Variants in CHD9 observed in about 807,000 individuals in gnomAD.
CHD9 encodes the protein chromodomain helicase DNA binding protein 9.
In CHD9, 77 loss-of-function variants were observed where a neutral mutation model predicts 316.1. The ratio of observed to expected loss-of-function variants is 0.24; its 90% CI spans 0.20 to 0.29. The LOEUF is 0.29. CHD9 is among the 10% of genes least tolerant of loss of function. The pLI, the probability that CHD9 is intolerant of heterozygous loss-of-function variation, is 1.00. For missense variants in CHD9, 2,763 were observed against 3,438.1 expected, an observed-to-expected ratio of 0.80 and a Z score of 4.91; for synonymous variants, 1,129 against 1,158.3, an observed-to-expected ratio of 0.97 and a Z score of 0.51.
At chr16:53,241,463 C>A (rs546288329) in intron 12 of CHD9, among the ~76,000 whole-genome samples, 20 of 152,318 alleles carry the variant, frequency 1.3e-4, no homozygotes, top group Non-Finnish European at 2.2e-4. Context: ...CCTGTATCAC[C>A]AAGTGTAAAC....
intron 2 of CHD9, among the ~76,000 whole-genome samples, chr16:53,171,564 A>AAAGGACCAG (rs1043665104): frequency 2.0e-5 from 3 of 152,048 alleles, no homozygotes; most frequent in African/African-American, 7.2e-5. Context: ...AGAAAGCCCA[A>AAAGGACCAG]AAGGACCAGA....
At chr16:53,215,450 T>C (rs1246530576) in intron 3 of CHD9, among the ~76,000 whole-genome samples, 1 of 152,214 alleles carries the variant, frequency 6.6e-6, no homozygotes, top group Non-Finnish European at 1.5e-5. Flanking sequence ...TCCCTTTTAA[T>C]ACATGCTTGT....
chr16:53,274,165 A>G (rs774538463), intron 23 of CHD9, 48 bp from the exon 24 acceptor site: 9 of 1,186,176 alleles, frequency 7.6e-6, no homozygotes, highest in Non-Finnish European at 1.1e-5. Flanking sequence ...CGAATATTTT[A>G]AACGATGAAT....
At chr16:53,306,456 C>G (rs1597938331) in intron 32 of CHD9, 59 bp downstream of exon 32, 2 of 1,336,358 alleles carry the variant, frequency 1.5e-6, no homozygotes, top group Non-Finnish European at 1.0e-6. Context: ...TATATTGCTT[C>G]AATGGTAGAT....
At chr16:53,193,214 C>T (rs567582406) in intron 2 of CHD9, among the ~76,000 whole-genome samples, 18 of 152,068 alleles carry the variant, frequency 1.2e-4, no homozygotes, top group South Asian at 2.1e-4. Flanking sequence ...TTTGGGAGGC[C>T]GAGGCAGGTG....
chr16:53,059,814 T>A (rs1308793808), intron 1 of CHD9, among the ~76,000 whole-genome samples: 1 of 152,162 alleles, frequency 6.6e-6, no homozygotes, highest in Non-Finnish European at 1.5e-5. Context: ...CCTCGTTAGG[T>A]TCTTAGAAAC....
At chr16:53,206,359 G>GA (rs77414875) in intron 2 of CHD9, among the ~76,000 whole-genome samples, 5,899 of 121,748 alleles carry the variant, frequency 0.048, 364 homozygotes, top group African/African-American at 0.15. Context: ...AGGGCACCGG[G>GA]AAAAAAAAAA....
chr16:53,079,729 C>T (rs1404587826), intron 1 of CHD9, among the ~76,000 whole-genome samples: 3 of 152,036 alleles, frequency 2.0e-5, no homozygotes, highest in African/African-American at 7.2e-5. Flanking sequence ...GGAGACTAAG[C>T]TCTATGAAAA....
chr16:53,143,099 C>T (rs986891912), intron 1 of CHD9, among the ~76,000 whole-genome samples: 3 of 152,122 alleles, frequency 2.0e-5, no homozygotes, highest in Non-Finnish European at 2.9e-5. Flanking sequence ...GGCCTCATGA[C>T]CTAATCACCT....
At chr16:53,175,338 C>T (rs1330752312) in intron 2 of CHD9, among the ~76,000 whole-genome samples, 2 of 152,198 alleles carry the variant, frequency 1.3e-5, no homozygotes, top group South Asian at 2.1e-4. Context: ...ACCTGCACTC[C>T]CTGTTCTATT....
chr16:53,245,246 T>C lies in CHD9; in HGVS notation c.3055-90T>C. 2.2e-6 allele frequency: 2 copies of C among 922,746 alleles called. No homozygotes were observed. The highest frequency in any genetic ancestry group is 4.4e-5 in the South Asian group (2 of 45,926). 57.2% of individuals were successfully genotyped at this position (922,746 alleles called of 1,614,324 possible). A position where few individuals can be genotyped will look rare whatever the true frequency, so the allele number is the denominator to read the frequency against. On this transcript the variant is annotated intron_variant, in intron 13 of 38. Coordinates refer to ENST00000447540, the MANE Select transcript of CHD9 (RefSeq NM_001308319.2). This position sits in a 1 kb window ranked among gnomAD's most constrained non-coding sequence, Gnocchi z 4.1. ...ATATGTATATATAGTCAGAAAAATA[T>C]TTGCATATTGATCATTCGATAATCT...
In CHD9 at chr16:53,315,000, A is replaced by C; in HGVS notation, c.7540A>C (p.Lys2514Gln). 6.2e-7 allele frequency: 1 copy of C among 1,613,854 alleles called. No individual in the cohort carries two copies. The highest frequency in any genetic ancestry group is 8.5e-7 in the Non-Finnish European group (1 of 1,179,808). ...GAGAAAGGATTTGGAAAAATGGCTTAAGGAGCACCCGGGTTATGTGGAAGA... is the reference window on the plus strand; with the variant it reads ...GAGAAAGGATTTGGAAAAATGGCTTCAGGAGCACCCGGGTTATGTGGAAGA... ...PKRKDLEKWLKEHPGYVEDLG... is the reference protein window; with the variant it reads ...PKRKDLEKWLQEHPGYVEDLG... Residue 2514 changes from lysine (K) to glutamine (Q), a missense_variant, in exon 36 of 39, where the codon AAG (lysine) becomes CAG (glutamine). Lys to Gln is a moderately conservative substitution (Grantham distance 53). Transcript: ENST00000447540.
chr16:53,295,833 G>C (rs773737776), intron 29 of CHD9, among the ~76,000 whole-genome samples: 3 of 151,948 alleles, frequency 2.0e-5, no homozygotes, highest in East Asian at 1.9e-4. Context: ...GCAAGGACAG[G>C]GTTCTACACC....
At chr16:53,166,322 G>GT (rs1373118287) in intron 2 of CHD9, among the ~76,000 whole-genome samples, 1 of 152,088 alleles carries the variant, frequency 6.6e-6, no homozygotes, top group African/African-American at 2.4e-5. Flanking sequence ...ATACTTAAGG[G>GT]TAAGAGGTGA....
chr16:53,122,340 C>T (rs1021634554), intron 1 of CHD9, among the ~76,000 whole-genome samples: 3 of 152,046 alleles, frequency 2.0e-5, no homozygotes, highest in Non-Finnish European at 4.4e-5. Flanking sequence ...AACAAAGTCA[C>T]AAAACTGGTG....
chr16:53,185,006 C>T (rs761979803), intron 2 of CHD9, among the ~76,000 whole-genome samples: 2 of 152,216 alleles, frequency 1.3e-5, no homozygotes, highest in Non-Finnish European at 2.9e-5. Flanking sequence ...GTCAACTAAA[C>T]CTCTTTCCTT....
chr16:53,154,781 T>A (rs552369102), intron 1 of CHD9, among the ~76,000 whole-genome samples: 1 of 152,342 alleles, frequency 6.6e-6, no homozygotes, highest in South Asian at 2.1e-4. Flanking sequence ...GCCTGGTTTC[T>A]AACAGGCCAC....
At chr16:53,283,827 C>G (rs1418989104) in intron 24 of CHD9, among the ~76,000 whole-genome samples, 2 of 152,000 alleles carry the variant, frequency 1.3e-5, no homozygotes, top group African/African-American at 4.8e-5. Context: ...GTGTTCATTT[C>G]GAGTGCTGAC....
chr16:53,241,052 A>G (rs1484044302), intron 12 of CHD9, among the ~76,000 whole-genome samples: 3 of 152,300 alleles, frequency 2.0e-5, no homozygotes, highest in Non-Finnish European at 2.9e-5. Flanking sequence ...TATAATTTAT[A>G]CCTATTTTAA....
Sources: gnomAD v4.1 joint callset for allele counts (sites outside exome capture counted in the v4.1 genomes callset) on GRCh38, gnomAD v4.1.1 for gene constraint, Gnocchi (gnomAD v3.1) non-coding constraint, MANE v1.5 for transcripts, NCBI Gene and HGNC (gene_info 2026-07-23, HGNC 2026-07-21) for gene names.